The following TMEM47 variants were observed in gnomAD, a reference collection of about 807,000 sequenced individuals.
The protein encoded by TMEM47 is transmembrane protein 47.
In TMEM47, 3 loss-of-function variants were observed where a neutral mutation model predicts 12.4. That is an observed-to-expected ratio of 0.24 (90% CI 0.11 to 0.63). TMEM47 has a LOEUF of 0.63. Among genes scored for constraint, TMEM47 ranks in the 20% least tolerant of loss-of-function variants. The probability of loss-of-function intolerance (pLI) is 0.86; values close to 1 mark genes in which losing one functional copy is unlikely to be tolerated. For synonymous variants in TMEM47, 62 were observed against 63.3 expected, an observed-to-expected ratio of 0.98 and a Z score of 0.10; for missense variants, 89 against 143.8, an observed-to-expected ratio of 0.62 and a Z score of 1.95.
intron 1 of TMEM47, among the ~76,000 whole-genome samples, chrX:34,654,754 C>G (rs1922074733): frequency 8.9e-6 from 1 of 111,961 alleles, no homozygotes; most frequent in East Asian, 2.8e-4. Flanking sequence ...ACAAAATCAT[C>G]TCTACTTTTT....
At chrX:34,656,373 A>T (rs1219935679) in intron 1 of TMEM47, among the ~76,000 whole-genome samples, 1 of 110,319 alleles carries the variant, frequency 9.1e-6, no homozygotes, top group Non-Finnish European at 1.9e-5. Context: ...GAGAGGAAGG[A>T]AAAAGAGTGG....
chrX:34,630,380 G>T lies in TMEM47; in HGVS notation c.479C>A (p.Thr160Asn). The T allele has an allele frequency of 8.3e-7, 1 of 1,210,454 alleles. No individual in the cohort carries two copies. The highest frequency in any genetic ancestry group is 3.0e-5 in the East Asian group (1 of 33,812). The stretch of plus-strand genomic sequence containing the variant: ...GATGGCACCCCCAAACGAAAATATA[G>T]TTGCACCCCAGGCCAGGCCATAACC... ...NWGYGLAWGA[T>N]IFSFGGAILY... The change falls in exon 3 of 3, where the codon ACT becomes AAT. Residue 160 changes from threonine to asparagine, a missense_variant. By Grantham distance (65) the Thr-to-Asn change is moderately conservative. Transcript: ENST00000275954.
chrX:34,633,484 G>A (rs1215993265), intron 2 of TMEM47, among the ~76,000 whole-genome samples: 1 of 111,553 alleles, frequency 9.0e-6, no homozygotes, highest in Non-Finnish European at 1.9e-5. Flanking sequence ...AGAGCAGGAA[G>A]GGAGAAGCAT....
At position 34,627,632 on chromosome X, in the gene TMEM47, A is replaced by C. The variant is rs1419089382; in HGVS notation, c.*2681T>G. The C allele has an allele frequency of 1.8e-5, 2 of 112,279 alleles. No individual in the cohort carries two copies. The highest frequency in any genetic ancestry group is 3.2e-5 in the African/African-American group (1 of 30,874). 9.3% of individuals were successfully genotyped at this position (112,279 alleles called of 1,213,427 possible). On this transcript the variant is annotated 3_prime_UTR_variant, in exon 3 of 3. Coordinates refer to ENST00000275954, the MANE Select transcript of TMEM47 (RefSeq NM_031442.4). ...CTAAATAATTGTGCAAGAAATCGGA[A>C]TAACTAGCCCTGCTGAGTATTTTAT... is the stretch of plus-strand genomic sequence containing the variant.
At chrX:34,632,317 A>T (rs933313335) in intron 2 of TMEM47, among the ~76,000 whole-genome samples, 10 of 111,988 alleles carry the variant, frequency 8.9e-5, no homozygotes, top group Admixed American at 2.8e-4. Context: ...TATATGTTTT[A>T]AAAAAGAACA....
In TMEM47 at chrX:34,628,184, C is replaced by G. The variant is rs1921543340; in HGVS notation, c.*2129G>C. The stretch of plus-strand genomic sequence containing the variant: ...TGTCAGCACCAAAGTACTATTCTTT[C>G]ATTATTCAGGAATAAAGAGATCTCA... On this transcript the variant is annotated 3_prime_UTR_variant, in exon 3 of 3. Coordinates refer to ENST00000275954, the MANE Select transcript of TMEM47 (RefSeq NM_031442.4). 1 of 111,685 alleles carries G rather than the reference C, an allele frequency of 9.0e-6. No individual in the cohort carries two copies. The highest frequency in any genetic ancestry group is 3.3e-5 in the African/African-American group (1 of 30,689). The allele number at this position is 111,685 out of a possible 1,213,427, so 9.2% of individuals were successfully genotyped here. A position where few individuals can be genotyped will look rare whatever the true frequency, so the allele number is the denominator to read the frequency against.
At position 34,657,241 on chromosome X, in the gene TMEM47, T is replaced by A. The variant is rs1922131497; in HGVS notation, c.-212A>T. Reference sequence around the variant, plus strand: ...TGGGTCGTCGGCAGCCGCAGCGACGTCGATTCCACCCCGGACCTTCGCCGC... The same window carrying A: ...TGGGTCGTCGGCAGCCGCAGCGACGACGATTCCACCCCGGACCTTCGCCGC... On this transcript the variant is annotated 5_prime_UTR_variant, in exon 1 of 3. Coordinates refer to ENST00000275954, the MANE Select transcript of TMEM47 (RefSeq NM_031442.4). The A allele has an allele frequency of 4.4e-6, 2 of 459,094 alleles. No homozygotes were observed. The highest frequency in any genetic ancestry group is 2.6e-4 in the South Asian group (2 of 7,676). The allele number at this position is 459,094 out of a possible 1,213,427, so 37.8% of individuals were successfully genotyped here. A position where few individuals can be genotyped will look rare whatever the true frequency, so the allele number is the denominator to read the frequency against.
chrX:34,644,956 A>T (rs1466827354), intron 1 of TMEM47, among the ~76,000 whole-genome samples: 1 of 111,807 alleles, frequency 8.9e-6, no homozygotes, highest in Non-Finnish European at 1.9e-5. Context: ...AATTCACCAG[A>T]CAACTTAGAA....
At position 34,628,797 on chromosome X, in the gene TMEM47, T is replaced by G. The variant is rs1363248940; in HGVS notation, c.*1516A>C. 8.9e-6 allele frequency: 1 copy of G among 112,297 alleles called. No individual in the cohort carries two copies. The highest frequency in any genetic ancestry group is 9.5e-5 in the Admixed American group (1 of 10,521). 9.3% of individuals were successfully genotyped at this position (112,297 alleles called of 1,213,427 possible). On this transcript the variant is annotated 3_prime_UTR_variant, in exon 3 of 3. Coordinates refer to ENST00000275954, the MANE Select transcript of TMEM47 (RefSeq NM_031442.4). ...AACAAAAATAATTATTTATAACTTT[T>G]ATATTAGAACTGTATATTTGATATA...
chrX:34,654,696 T>G (rs1922073967), intron 1 of TMEM47, among the ~76,000 whole-genome samples: 1 of 111,984 alleles, frequency 8.9e-6, no homozygotes, highest in Non-Finnish European at 1.9e-5. Flanking sequence ...AAAAATGAAC[T>G]GCTATTATAT....
chrX:34,652,027 T>A (rs1365892978), intron 1 of TMEM47, among the ~76,000 whole-genome samples: 5 of 112,030 alleles, frequency 4.5e-5, no homozygotes, highest in Non-Finnish European at 9.4e-5. Context: ...TTTCATATAT[T>A]TAATCTTTAT....
chrX:34,637,413 A>G lies in TMEM47; in HGVS notation c.367+1834T>C, dbSNP rs186835781. 3.1e-3 allele frequency among the ~76,000 whole-genome samples: 348 copies of G among 111,514 alleles called. 1 individual carries two copies. Among genetic ancestry groups the G allele is most frequent in the African/African-American group, 0.01 (318 of 30,749 alleles). ...ATCAGTTTTCAGTAAAAACCCTTAGAGTATATTTTATAACACCAAGACTGT... is the reference window on the plus strand; with the variant it reads ...ATCAGTTTTCAGTAAAAACCCTTAGGGTATATTTTATAACACCAAGACTGT... On this transcript the variant is annotated intron_variant, in intron 2 of 2. Coordinates refer to ENST00000275954, the MANE Select transcript of TMEM47 (RefSeq NM_031442.4).
intron 2 of TMEM47, among the ~76,000 whole-genome samples, chrX:34,635,874 T>C (rs1280783218): frequency 9.0e-6 from 1 of 111,493 alleles, no homozygotes; most frequent in Non-Finnish European, 1.9e-5. Context: ...CAAAGGTTGA[T>C]AGGCCCTACC....
chrX:34,645,717 T>C (rs1169725188), intron 1 of TMEM47, among the ~76,000 whole-genome samples: 1 of 111,980 alleles, frequency 8.9e-6, no homozygotes, highest in Non-Finnish European at 1.9e-5. Flanking sequence ...CCACTTCTTT[T>C]ATTAAAACTG....
chrX:34,651,241 T>C (rs986730590), intron 1 of TMEM47, among the ~76,000 whole-genome samples: 5 of 112,098 alleles, frequency 4.5e-5, no homozygotes, highest in Non-Finnish European at 9.4e-5. Context: ...TTTCTCAGCC[T>C]AGTTCAGAGA....
intron 1 of TMEM47, among the ~76,000 whole-genome samples, chrX:34,649,777 G>A (rs1921982680): frequency 8.9e-6 from 1 of 111,848 alleles, no homozygotes; most frequent in South Asian, 3.8e-4. Flanking sequence ...CCAGGCTGGA[G>A]TGCAGTGGCA....
intron 1 of TMEM47, among the ~76,000 whole-genome samples, chrX:34,649,441 C>T (rs1355544272): frequency 1.8e-5 from 2 of 111,322 alleles, no homozygotes; most frequent in African/African-American, 3.3e-5. Flanking sequence ...AGCACACTAA[C>T]GCAGGAACAG....
chrX:34,646,032 C>A (rs1828797931), intron 1 of TMEM47, among the ~76,000 whole-genome samples: 1 of 111,055 alleles, frequency 9.0e-6, no homozygotes, highest in Non-Finnish European at 1.9e-5. Flanking sequence ...ATAAATGACT[C>A]CAGGTAACCA....
At chrX:34,648,332 C>T (rs1226012829) in intron 1 of TMEM47, among the ~76,000 whole-genome samples, 1 of 111,529 alleles carries the variant, frequency 9.0e-6, no homozygotes, top group Non-Finnish European at 1.9e-5. Flanking sequence ...ACTAGTAGTA[C>T]AAAAACAGGC....
Sources: gnomAD v4.1 joint callset for allele counts (sites outside exome capture counted in the v4.1 genomes callset) on GRCh38, gnomAD v4.1.1 for gene constraint, MANE v1.5 for transcripts, NCBI Gene and HGNC (gene_info 2026-07-23, HGNC 2026-07-21) for gene names.